Variants in SMARCA2 observed in about 807,000 individuals in gnomAD.
SMARCA2 encodes SWI/SNF-related matrix-associated actin-dependent regulator of chromatin subfamily A member 2.
A neutral mutation model predicts 199.8 loss-of-function variants in SMARCA2; 61 were observed. The observed-to-expected ratio is 0.31, with a 90% CI of 0.25 to 0.38. The LOEUF is 0.38. Ranked by LOEUF, SMARCA2 falls within the 10% of genes least tolerant of loss-of-function variation. The pLI, the probability that SMARCA2 is intolerant of heterozygous loss-of-function variation, is 1.00. For missense variants in SMARCA2, 1,344 were observed against 2,012.2 expected (o/e 0.67, Z 6.35); for synonymous variants, 935 against 732.0 (o/e 1.28, Z -4.48).
chr9:2,190,234 C>G (rs575230483), intron 32 of SMARCA2, among the ~76,000 whole-genome samples: 1 of 152,206 alleles, frequency 6.6e-6, no homozygotes, highest in East Asian at 1.9e-4. Flanking sequence ...GAAGGCTAAT[C>G]TGACAGAGCA....
At chr9:2,126,361 A>C (rs1203642314) in intron 27 of SMARCA2, among the ~76,000 whole-genome samples, 1 of 152,264 alleles carries the variant, frequency 6.6e-6, no homozygotes, top group Non-Finnish European at 1.5e-5. Context: ...TTGGTATGAA[A>C]CTGGCAACTT....
intron 10 of SMARCA2, among the ~76,000 whole-genome samples, chr9:2,071,095 G>C (rs1365013439): frequency 6.6e-6 from 1 of 152,156 alleles, no homozygotes; most frequent in Non-Finnish European, 1.5e-5. Context: ...CCCAGAGCAG[G>C]ATGGGAAGGG....
rs1825677709 is a variant in SMARCA2 at position 2,161,585 on chromosome 9, T to C, written c.3982-101T>C. The C allele has an allele frequency of 1.2e-6, 1 of 800,582 alleles. No homozygotes were observed. The highest frequency in any genetic ancestry group is 2.7e-5 in the Admixed American group (1 of 36,690). The allele number at this position is 800,582 out of a possible 1,614,324, so 49.6% of individuals were successfully genotyped here. ...ACTTTTTTTTGGTTAATTTCTTTCATTTTATTCTAATTGTTGGAGCTATAT... is the reference window on the plus strand; with the variant it reads ...ACTTTTTTTTGGTTAATTTCTTTCACTTTATTCTAATTGTTGGAGCTATAT... On this transcript the variant is annotated intron_variant, in intron 27 of 33. Transcript: ENST00000349721. This position sits in a 1 kb window ranked among gnomAD's most constrained non-coding sequence, Gnocchi z 4.7.
chr9:2,069,777 T>C (rs1199828579), intron 9 of SMARCA2, among the ~76,000 whole-genome samples: 6 of 152,148 alleles, frequency 3.9e-5, no homozygotes, highest in African/African-American at 1.4e-4. Flanking sequence ...GCAATTTGAT[T>C]TTTATTATTT....
At chr9:2,191,173 G>C (rs190280377) in intron 32 of SMARCA2, 93 bp from the exon 33 acceptor site, 4 of 1,217,926 alleles carry the variant, frequency 3.3e-6, no homozygotes, top group Non-Finnish European at 4.8e-6. Flanking sequence ...TGGGATGTTT[G>C]TGTTGTCTGT....
At chr9:2,127,599 G>A (rs1823753528) in intron 27 of SMARCA2, among the ~76,000 whole-genome samples, 1 of 152,158 alleles carries the variant, frequency 6.6e-6, no homozygotes, top group Non-Finnish European at 1.5e-5. Flanking sequence ...TAGTGGGTAT[G>A]GAAGTCTAAT....
intron 8 of SMARCA2, among the ~76,000 whole-genome samples, chr9:2,060,560 T>C (rs1183190042): frequency 1.3e-5 from 2 of 152,254 alleles, no homozygotes; most frequent in African/African-American, 4.8e-5. Flanking sequence ...CTCAGAGTGC[T>C]TAATCACACC....
intron 27 of SMARCA2, among the ~76,000 whole-genome samples, chr9:2,147,950 C>T (rs1021280890): frequency 2.0e-5 from 3 of 151,560 alleles, no homozygotes; most frequent in Non-Finnish European, 3.0e-5. Flanking sequence ...TCTTGCACCT[C>T]AGCCTCCCAG....
intron 5 of SMARCA2, among the ~76,000 whole-genome samples, chr9:2,050,872 C>T (rs1379409848): frequency 6.6e-6 from 1 of 152,152 alleles, no homozygotes; most frequent in Non-Finnish European, 1.5e-5. Context: ...TAATGCAACT[C>T]TTTTTCTTGC....
chr9:2,160,686 G>C, intron 27 of SMARCA2: 2 of 684,090 alleles, frequency 2.9e-6, no homozygotes, highest in South Asian at 3.1e-5. Flanking sequence ...GCATACTGGA[G>C]GCAATATTGA....
At position 2,039,848 on chromosome 9, in the gene SMARCA2, A is replaced by G. The variant is rs990386122; in HGVS notation, c.738A>G (p.Pro246=). 8 of 1,613,186 alleles carry G rather than the reference A, an allele frequency of 5.0e-6. No individual in the cohort carries two copies. In the African/African-American group the frequency reaches 8.0e-5, roughly 16 times the overall value. The change falls in exon 4 of 34, where the codon CCA becomes CCG. Residue 246 remains proline (P), a synonymous_variant. Transcript: ENST00000349721. The surrounding 1 kb of genome is among the most constrained non-coding windows in gnomAD (Gnocchi z 4.8). ...QQQPQQQPPQ[P]QTQQQQQPAL... ...AGCCGCAGCAGCAGCCGCCGCAACC[A>G]CAGACGCAGCAACAACAGCAGCCGG...
At chr9:2,178,534 T>G (rs1826783298) in intron 29 of SMARCA2, among the ~76,000 whole-genome samples, 1 of 152,146 alleles carries the variant, frequency 6.6e-6, no homozygotes, top group Admixed American at 6.5e-5. Context: ...CATTGTACAA[T>G]TAGACTATTG....
At chr9:2,152,716 G>T (rs1825140838) in intron 27 of SMARCA2, among the ~76,000 whole-genome samples, 1 of 152,050 alleles carries the variant, frequency 6.6e-6, no homozygotes, top group African/African-American at 2.4e-5. Context: ...GCCAGGCGTG[G>T]TGGTGCACAC....
Position 2,170,228 on chromosome 9 carries a change from C to A in SMARCA2, c.4200-191C>A, listed in dbSNP as rs1826172583. Reference sequence around the variant, plus strand: ...CAGAAAGGTTAGGAAATCCACTTCCCCCACCATTTTTAGAGAACTATGTTA... The same window carrying A: ...CAGAAAGGTTAGGAAATCCACTTCCACCACCATTTTTAGAGAACTATGTTA... On this transcript the variant is annotated intron_variant, in intron 28 of 33. Transcript: ENST00000349721. The surrounding 1 kb of genome is among the most constrained non-coding windows in gnomAD (Gnocchi z 4.7). Among the ~76,000 whole-genome samples the A allele has an allele frequency of 6.6e-6, 1 of 152,156 alleles. No individual in the cohort carries two copies. Among genetic ancestry groups the A allele is most frequent in the South Asian group, 2.1e-4 (1 of 4,826 alleles).
chr9:2,174,217 C>T (rs1193041403), intron 29 of SMARCA2, among the ~76,000 whole-genome samples: 3 of 152,154 alleles, frequency 2.0e-5, no homozygotes, highest in African/African-American at 7.2e-5. Flanking sequence ...AAGGACCCCT[C>T]TCTGAAGGAA....
At chr9:2,106,810 G>A (rs1189050060) in intron 23 of SMARCA2, among the ~76,000 whole-genome samples, 1 of 152,236 alleles carries the variant, frequency 6.6e-6, no homozygotes, top group Non-Finnish European at 1.5e-5. Flanking sequence ...AGAGCAAGTG[G>A]TGAGGTTTTA....
In SMARCA2 at chr9:2,170,201, C is replaced by A. The variant is rs1335538071; in HGVS notation, c.4200-218C>A. 6.6e-6 allele frequency among the ~76,000 whole-genome samples: 1 copy of A among 152,112 alleles called. No individual in the cohort carries two copies. Among genetic ancestry groups the A allele is most frequent in the Non-Finnish European group, 1.5e-5 (1 of 68,016 alleles). ...CTGTGTGTGACGGAAGTAGGAAAAT[C>A]CCAGAAAGGTTAGGAAATCCACTTC... On this transcript the variant is annotated intron_variant, in intron 28 of 33. Transcript: ENST00000349721. The surrounding 1 kb of genome is among the most constrained non-coding windows in gnomAD (Gnocchi z 4.7).
chr9:2,139,154 C>G (rs1824346211), intron 27 of SMARCA2, among the ~76,000 whole-genome samples: 1 of 152,184 alleles, frequency 6.6e-6, no homozygotes, highest in East Asian at 1.9e-4. Context: ...AATCACCCAA[C>G]AGGTCTTCCT....
Position 2,169,126 on chromosome 9 carries a change from C to G in SMARCA2, c.4200-1293C>G, listed in dbSNP as rs775332987. 7.9e-5 allele frequency among the ~76,000 whole-genome samples: 12 copies of G among 152,132 alleles called. No individual in the cohort carries two copies. Among genetic ancestry groups the G allele is most frequent in the Non-Finnish European group, 1.3e-4 (9 of 68,026 alleles). Reference sequence around the variant, plus strand: ...CCTTATTGCTGACACTCAGAGTCCCCTCAACCTGCTCCTAATTGTCCCTAC... The same window carrying G: ...CCTTATTGCTGACACTCAGAGTCCCGTCAACCTGCTCCTAATTGTCCCTAC... On this transcript the variant is annotated intron_variant, in intron 28 of 33. Transcript: ENST00000349721. The surrounding 1 kb of genome is among the most constrained non-coding windows in gnomAD (Gnocchi z 6.5).
Sources: gnomAD v4.1 joint callset for allele counts (sites outside exome capture counted in the v4.1 genomes callset) on GRCh38, gnomAD v4.1.1 for gene constraint, Gnocchi (gnomAD v3.1) non-coding constraint, MANE v1.5 for transcripts, NCBI Gene and HGNC (gene_info 2026-07-23, HGNC 2026-07-21) for gene names.